The following NCAM2 variants were observed in gnomAD, a reference collection of about 807,000 sequenced individuals.
The protein encoded by NCAM2 is neural cell adhesion molecule 2, also known as N-CAM-2.
A neutral mutation model predicts 98.1 loss-of-function variants in NCAM2; 30 were observed. That is an observed-to-expected ratio of 0.31 (90% CI 0.23 to 0.41). The LOEUF (loss-of-function observed/expected upper bound fraction) is 0.41. NCAM2 is among the 10% of genes least tolerant of loss of function. The pLI, the probability that NCAM2 is intolerant of heterozygous loss-of-function variation, is 1.00. For synonymous variants in NCAM2, 368 were observed against 342.4 expected (o/e 1.07, Z -0.83); for missense variants, 867 against 1,005.8 (o/e 0.86, Z 1.87).
intron 11 of NCAM2, among the ~76,000 whole-genome samples, chr21:21,421,976 T>G (rs1198880665): frequency 6.6e-6 from 1 of 152,176 alleles, no homozygotes; most frequent in African/African-American, 2.4e-5. Context: ...TTTTAATAAC[T>G]TAGCCCTACA....
intron 8 of NCAM2, among the ~76,000 whole-genome samples, chr21:21,352,797 A>C: frequency 6.9e-6 from 1 of 145,180 alleles, no homozygotes; most frequent in East Asian, 2.3e-4. Flanking sequence ...CCTAAAACTT[A>C]AAGTATAAAA....
intron 12 of NCAM2, among the ~76,000 whole-genome samples, chr21:21,454,966 C>T (rs1318132906): frequency 1.3e-5 from 2 of 151,820 alleles, no homozygotes; most frequent in South Asian, 2.1e-4. Context: ...TATACATTTT[C>T]CTTCTCTAGA....
chr21:21,038,502 T>C (rs1210584225), intron 1 of NCAM2, among the ~76,000 whole-genome samples: 1 of 152,110 alleles, frequency 6.6e-6, no homozygotes, highest in African/African-American at 2.4e-5. Flanking sequence ...ACCCTCATGC[T>C]GTTGTTGTGA....
At chr21:21,375,043 TAGGAGATATACCTAATGCTAAATG>T (rs928643072) in intron 9 of NCAM2, among the ~76,000 whole-genome samples, 2 of 151,362 alleles carry the variant, frequency 1.3e-5, no homozygotes, top group Non-Finnish European at 3.0e-5. Context: ...GGGATAGCAT[TAGGAGATATACCTAATGCTAAATG>T]AGGAGTTACT....
intron 1 of NCAM2, among the ~76,000 whole-genome samples, chr21:21,118,392 C>G (rs540410911): frequency 3.9e-5 from 6 of 152,178 alleles, no homozygotes; most frequent in Non-Finnish European, 2.9e-5. Flanking sequence ...CTTAGTAGTT[C>G]AGGAAGGAGA....
At chr21:21,419,850 A>G (rs1366313725) in intron 11 of NCAM2, among the ~76,000 whole-genome samples, 1 of 151,960 alleles carries the variant, frequency 6.6e-6, no homozygotes, top group Non-Finnish European at 1.5e-5. Flanking sequence ...TAGCAGCATG[A>G]TTTATAATCC....
chr21:21,525,446 C>T (rs1455035593), intron 16 of NCAM2, among the ~76,000 whole-genome samples: 1 of 152,048 alleles, frequency 6.6e-6, no homozygotes. Context: ...TCAAAAGGCG[C>T]AATCAGCTAA....
At chr21:21,005,114 G>T (rs1678525831) in intron 1 of NCAM2, among the ~76,000 whole-genome samples, 1 of 152,186 alleles carries the variant, frequency 6.6e-6, no homozygotes, top group African/African-American at 2.4e-5. Context: ...TGGTGGAAGT[G>T]GAAGATAGAG....
chr21:21,356,255 T>C (rs1272270507), intron 8 of NCAM2, among the ~76,000 whole-genome samples: 4 of 152,196 alleles, frequency 2.6e-5, no homozygotes, highest in African/African-American at 9.6e-5. Context: ...TATTATATTA[T>C]TGTTTTATTC....
intron 12 of NCAM2, among the ~76,000 whole-genome samples, chr21:21,446,246 C>CTCTGG (rs1980117638): frequency 6.6e-6 from 1 of 151,408 alleles, no homozygotes; most frequent in Non-Finnish European, 1.5e-5. Flanking sequence ...CTGACCTTTT[C>CTCTGG]CTGGCCTTAA....
At chr21:21,295,550 A>T (rs1413923394) in intron 5 of NCAM2, among the ~76,000 whole-genome samples, 1 of 151,814 alleles carries the variant, frequency 6.6e-6, no homozygotes. Context: ...CAAACAAAAT[A>T]CACACCATGA....
At chr21:21,134,742 ACT>A (rs1281568032) in intron 1 of NCAM2, among the ~76,000 whole-genome samples, 5 of 135,952 alleles carry the variant, frequency 3.7e-5, no homozygotes, top group African/African-American at 5.6e-5. Context: ...TTATGGTCTC[ACT>A]CTGTTTCCCA....
In NCAM2 at chr21:21,410,461, G is replaced by T; in HGVS notation, c.1383G>T (p.Glu461Asp). 1 of 1,520,760 alleles carries T rather than the reference G, an allele frequency of 6.6e-7. No homozygotes were observed. The highest frequency in any genetic ancestry group is 1.3e-5 in the South Asian group (1 of 76,264). The allele number at this position is 1,520,760 out of a possible 1,614,324, so 94.2% of individuals were successfully genotyped here. A position where few individuals can be genotyped will look rare whatever the true frequency, so the allele number is the denominator to read the frequency against. The change falls in exon 10 of 18, where the codon GAG becomes GAT. Residue 461 changes from glutamate (E) to aspartate (D), a missense_variant and splice_region_variant. By Grantham distance (45) the Glu-to-Asp change is conservative (BLOSUM62 2). Coordinates refer to ENST00000400546, the MANE Select transcript of NCAM2 (RefSeq NM_004540.5). ...GTACAGGAAGAAAGATGATATTAGAGGTAAGTCCACATGTATACATCAATA... is the reference window on the plus strand; with the variant it reads ...GTACAGGAAGAAAGATGATATTAGATGTAAGTCCACATGTATACATCAATA... Reference protein sequence around the residue: ...TYSTGRKMILEIAPTSDNDFG... With the variant: ...TYSTGRKMILDIAPTSDNDFG...
intron 1 of NCAM2, among the ~76,000 whole-genome samples, chr21:21,116,408 C>T (rs1439800297): frequency 6.6e-6 from 1 of 152,128 alleles, no homozygotes; most frequent in Non-Finnish European, 1.5e-5. Context: ...ATATATGTAG[C>T]ATATGAATAA....
chr21:21,456,871 A>G (rs1982225963), intron 12 of NCAM2, among the ~76,000 whole-genome samples: 1 of 152,186 alleles, frequency 6.6e-6, no homozygotes, highest in African/African-American at 2.4e-5. Context: ...CTATAAGCCA[A>G]CAACCAGGCC....
chr21:21,498,742 C>A (rs547855476), intron 15 of NCAM2, among the ~76,000 whole-genome samples: 3 of 152,080 alleles, frequency 2.0e-5, no homozygotes, highest in Non-Finnish European at 4.4e-5. Context: ...GATTTTGATT[C>A]ACTTTGTAAC....
chr21:21,513,852 C>T (rs1420417755), intron 16 of NCAM2, among the ~76,000 whole-genome samples: 2 of 152,048 alleles, frequency 1.3e-5, no homozygotes, highest in Non-Finnish European at 2.9e-5. Context: ...ATACTATTTG[C>T]ATTATATATC....
intron 12 of NCAM2, among the ~76,000 whole-genome samples, chr21:21,451,741 A>C (rs1311346031): frequency 1.3e-5 from 2 of 152,116 alleles, no homozygotes; most frequent in African/African-American, 4.8e-5. Flanking sequence ...TCAATGAAAA[A>C]TAAGATAAAT....
intron 1 of NCAM2, among the ~76,000 whole-genome samples, chr21:21,189,191 C>A (rs1188390857): frequency 1.3e-5 from 2 of 152,030 alleles, no homozygotes; most frequent in Non-Finnish European, 2.9e-5. Flanking sequence ...TATTTTGAAG[C>A]CAAATCAATG....
Sources: allele counts gnomAD v4.1 joint callset (sites outside exome capture counted in the v4.1 genomes callset), GRCh38; gene constraint gnomAD v4.1.1; transcripts MANE v1.5; gene names NCBI Gene and HGNC (gene_info 2026-07-23, HGNC 2026-07-21).